The following RANBP17 variants were observed in gnomAD, a reference collection of about 807,000 sequenced individuals.
RANBP17 encodes the protein ran-binding protein 17.
In RANBP17, 158 loss-of-function variants were observed where a neutral mutation model predicts 141.2. The observed-to-expected ratio is 1.12, with a 90% CI of 0.98 to 1.28. The LOEUF is 1.28. RANBP17 is among the 50% of genes most tolerant of loss of function. RANBP17 has a pLI of 0.00. For synonymous variants in RANBP17, 430 were observed against 450.0 expected (o/e 0.96, Z 0.56); for missense variants, 1,438 against 1,290.7 (o/e 1.11, Z -1.75).
At chr5:171,281,574 T>C (rs1767866391) in intron 25 of RANBP17, among the ~76,000 whole-genome samples, 1 of 152,134 alleles carries the variant, frequency 6.6e-6, no homozygotes, top group African/African-American at 2.4e-5. Context: ...TCCAATTCCG[T>C]ACCAATGGTG....
chr5:171,252,549 G>A (rs1273067208), intron 24 of RANBP17: 1 of 1,402,996 alleles, frequency 7.1e-7, no homozygotes, highest in Non-Finnish European at 1.0e-6. Context: ...ACAAACGGAG[G>A]AAAGTTTAAA....
At chr5:171,135,542 G>A (rs953953981) in intron 14 of RANBP17, among the ~76,000 whole-genome samples, 1 of 151,914 alleles carries the variant, frequency 6.6e-6, no homozygotes, top group South Asian at 2.1e-4. Flanking sequence ...TCCTAAATAC[G>A]CTTTCTTAAG....
chr5:171,210,364 ACT>A (rs1437682128), intron 20 of RANBP17, among the ~76,000 whole-genome samples: 1 of 150,916 alleles, frequency 6.6e-6, no homozygotes, highest in Non-Finnish European at 1.5e-5. Flanking sequence ...AATTGGCACC[ACT>A]CTCATTCCAC....
chr5:171,137,578 GTGTGTGTGTGTGTGTGTGTGTGTGTGTC>G (rs1353051008), intron 14 of RANBP17, among the ~76,000 whole-genome samples: 19 of 143,352 alleles, frequency 1.3e-4, no homozygotes, highest in African/African-American at 4.8e-4. Flanking sequence ...TGAGATGTGT[GTGTGTGTGTGTGTGTGTGTGTGTGTGTC>G]TGTGTGTGTG....
intron 14 of RANBP17, among the ~76,000 whole-genome samples, chr5:171,099,693 G>A (rs185288036): frequency 6.6e-6 from 1 of 152,296 alleles, no homozygotes. Flanking sequence ...TTTTCAAAGG[G>A]AATGCTTCCA....
intron 22 of RANBP17, among the ~76,000 whole-genome samples, chr5:171,236,158 T>C (rs962442861): frequency 6.6e-6 from 1 of 152,194 alleles, no homozygotes; most frequent in East Asian, 1.9e-4. Context: ...TGTCAGCAAG[T>C]TGCAGTTCTC....
At chr5:170,988,287 AT>A (rs575208341) in intron 14 of RANBP17, among the ~76,000 whole-genome samples, 4,112 of 143,658 alleles carry the variant, frequency 0.029, 155 homozygotes, top group African/African-American at 0.094. Flanking sequence ...TTGATGATTG[AT>A]TTTTTTTTTT....
chr5:171,235,643 C>A (rs1290402249), intron 22 of RANBP17, among the ~76,000 whole-genome samples: 1 of 152,086 alleles, frequency 6.6e-6, no homozygotes, highest in East Asian at 1.9e-4. Context: ...TCACTCTCAT[C>A]CAGGCTGGAG....
intron 14 of RANBP17, chr5:171,143,221 G>A (rs1001744014): frequency 6.6e-6 from 1 of 152,174 alleles, no homozygotes. Flanking sequence ...ACAGAACAAA[G>A]GAATTTTCCA....
intron 20 of RANBP17, among the ~76,000 whole-genome samples, chr5:171,211,407 G>A (rs1262473318): frequency 3.3e-5 from 5 of 151,854 alleles, no homozygotes; most frequent in South Asian, 2.1e-4. Flanking sequence ...GATTACAGGC[G>A]AGCGCCACTA....
At chr5:170,944,528 A>G (rs978231306) in intron 12 of RANBP17, among the ~76,000 whole-genome samples, 1 of 152,200 alleles carries the variant, frequency 6.6e-6, no homozygotes, top group Non-Finnish European at 1.5e-5. Flanking sequence ...TCAGCCTCCC[A>G]AAGTGCTGGT....
intron 14 of RANBP17, among the ~76,000 whole-genome samples, chr5:171,089,487 C>T (rs560176163): frequency 6.6e-6 from 1 of 152,142 alleles, no homozygotes; most frequent in South Asian, 2.1e-4. Context: ...TGGGCTCCAC[C>T]CAGCTCGAGC....
chr5:171,238,198 C>T (rs1035657542), intron 22 of RANBP17, among the ~76,000 whole-genome samples: 4 of 152,098 alleles, frequency 2.6e-5, no homozygotes, highest in African/African-American at 7.2e-5. Flanking sequence ...ATTATTAAGA[C>T]GCTAAGCTTG....
intron 5 of RANBP17, among the ~76,000 whole-genome samples, chr5:170,902,275 A>G (rs1770708549): frequency 2.0e-5 from 3 of 151,944 alleles, no homozygotes. Context: ...TTAAGTTGTT[A>G]TTAATCTCTG....
At chr5:170,869,172 ACC>A (rs1229277674) in intron 1 of RANBP17, among the ~76,000 whole-genome samples, 1 of 152,164 alleles carries the variant, frequency 6.6e-6, no homozygotes, top group Non-Finnish European at 1.5e-5. Flanking sequence ...ATGTAAATAT[ACC>A]CCAGGTCTGT....
rs78780101 is a variant in RANBP17 at position 171,299,077 on chromosome 5, T to G, written c.*219T>G. On this transcript the variant is annotated 3_prime_UTR_variant, in exon 28 of 28. Transcript: ENST00000523189. ...TTTCTCTGAAAAGCAAAGGATGTGT[T>G]TTCAGTCTTTCTATCAAATATTATC... The G allele has an allele frequency of 1.6e-3, 699 of 441,092 alleles. 4 individuals are homozygous for G. Among genetic ancestry groups the G allele is most frequent in the African/African-American group, 0.013 (656 of 50,772 alleles). The allele number at this position is 441,092 out of a possible 1,614,324, so 27.3% of individuals were successfully genotyped here.
At chr5:171,183,077 A>C in intron 16 of RANBP17, 90 bp from the exon 17 acceptor site, 1 of 675,534 alleles carries the variant, frequency 1.5e-6, no homozygotes, top group Non-Finnish European at 2.6e-6. Flanking sequence ...ATAAGTAGAA[A>C]TTGATGCCAC....
At chr5:170,953,764 A>G in intron 13 of RANBP17, 62 bp downstream of exon 13, 1 of 1,073,094 alleles carries the variant, frequency 9.3e-7, no homozygotes, top group Non-Finnish European at 1.4e-6. Context: ...TTAGTTATTG[A>G]ACTAGTATTA....
chr5:170,999,726 T>A (rs1439717623), intron 14 of RANBP17, among the ~76,000 whole-genome samples: 3 of 152,158 alleles, frequency 2.0e-5, no homozygotes. Flanking sequence ...TTGTTCCATA[T>A]TTTTTATTGT....
Sources: gnomAD v4.1 joint callset for allele counts (sites outside exome capture counted in the v4.1 genomes callset) on GRCh38, gnomAD v4.1.1 for gene constraint, MANE v1.5 for transcripts, NCBI Gene and HGNC (gene_info 2026-07-23, HGNC 2026-07-21) for gene names.